TRANK1: variants seen among roughly 807,000 people sequenced by gnomAD.
TRANK1 encodes the protein TPR and ankyrin repeat-containing protein 1.
A neutral mutation model predicts 266.0 loss-of-function variants in TRANK1; 198 were observed. The ratio of observed to expected loss-of-function variants is 0.74; its 90% CI spans 0.66 to 0.84. The LOEUF (loss-of-function observed/expected upper bound fraction) is 0.84. Ranked by LOEUF, TRANK1 falls within the 40% of genes least tolerant of loss-of-function variation. The pLI is 0.00. For missense variants in TRANK1, 3,326 were observed against 3,634.6 expected (o/e 0.92, Z 2.18); for synonymous variants, 1,396 against 1,384.1 (o/e 1.01, Z -0.19).
At chr3:36,910,729 G>A (rs1326307877) in intron 1 of TRANK1, among the ~76,000 whole-genome samples, 1 of 143,162 alleles carries the variant, frequency 7.0e-6, no homozygotes, top group African/African-American at 2.6e-5. Context: ...GACAGAGTGA[G>A]ACTCTATCTC....
intron 1 of TRANK1, among the ~76,000 whole-genome samples, chr3:36,927,770 T>C (rs2080308192): frequency 6.6e-6 from 1 of 152,178 alleles, no homozygotes; most frequent in African/African-American, 2.4e-5. Context: ...ACATCTCAAA[T>C]ATTATTTTTC....
chr3:36,866,110 AAG>A (rs1491366650), intron 9 of TRANK1, among the ~76,000 whole-genome samples: 3 of 147,716 alleles, frequency 2.0e-5, no homozygotes, highest in African/African-American at 5.1e-5. Flanking sequence ...GAAAGAAAGA[AAG>A]AAAGAGTCAC....
chr3:36,866,050 G>A (rs113255072), intron 9 of TRANK1, among the ~76,000 whole-genome samples: 11 of 90,006 alleles, frequency 1.2e-4, no homozygotes, highest in South Asian at 1.1e-3. Context: ...CAGACAGAAA[G>A]AAAAAGAAAG....
intron 17 of TRANK1, among the ~76,000 whole-genome samples, chr3:36,844,334 C>T (rs1289531687): frequency 1.3e-5 from 2 of 152,202 alleles, no homozygotes. Context: ...TCAAGCAATT[C>T]TCCTGCCTCA....
intron 1 of TRANK1, 155 bp from the exon 2 acceptor site, chr3:36,908,609 A>C (rs1345427573): frequency 8.9e-6 from 11 of 1,229,784 alleles, no homozygotes; most frequent in African/African-American, 1.6e-5. Flanking sequence ...ACCACCAGGA[A>C]ACCAGGCAGA....
chr3:36,877,979 G>A lies in TRANK1; in HGVS notation c.908-3683C>T, dbSNP rs1019179639. On this transcript the variant is annotated intron_variant, in intron 8 of 23. Coordinates refer to ENST00000645898, the MANE Select transcript of TRANK1 (RefSeq NM_001329998.2). ...TGAAAAGACTAAGCCTACATGTAAG[G>A]AATAAGTTGAGGTAAAGAAAAAACA... Among the ~76,000 whole-genome samples the A allele has an allele frequency of 2.0e-5, 3 of 152,132 alleles. No individual in the cohort carries two copies. In the South Asian group the frequency reaches 6.2e-4, roughly 32 times the overall value.
chr3:36,918,456 C>T (rs532714589), intron 1 of TRANK1, among the ~76,000 whole-genome samples: 1 of 118,660 alleles, frequency 8.4e-6, no homozygotes, highest in Admixed American at 8.9e-5. Flanking sequence ...AAGCAAAAAC[C>T]CAGAAAGAAA....
At chr3:36,860,514 T>C (rs2079127296) in intron 11 of TRANK1, among the ~76,000 whole-genome samples, 1 of 151,948 alleles carries the variant, frequency 6.6e-6, no homozygotes, top group African/African-American at 2.4e-5. Flanking sequence ...CAGAAAAGAA[T>C]GTCACAGGAG....
intron 8 of TRANK1, among the ~76,000 whole-genome samples, chr3:36,876,958 T>C (rs920751554): frequency 3.9e-5 from 6 of 152,188 alleles, no homozygotes; most frequent in Non-Finnish European, 7.3e-5. Flanking sequence ...CTGAAATCTC[T>C]ATGTACCAGA....
intron 9 of TRANK1, among the ~76,000 whole-genome samples, chr3:36,871,527 AAAC>A (rs1462881142): frequency 1.3e-5 from 2 of 152,214 alleles, no homozygotes; most frequent in African/African-American, 4.8e-5. Context: ...AACCATTCTG[AAAC>A]TGAGATGATA....
Position 36,828,009 on chromosome 3 carries a change from C to G in TRANK1, c.*266G>C. On this transcript the variant is annotated 3_prime_UTR_variant, in exon 24 of 24. Coordinates refer to ENST00000645898, the MANE Select transcript of TRANK1 (RefSeq NM_001329998.2). ...ATGCAGTGAGGAGTCCCAACATTCCCTTCGACTACAACTTCTCTACCTGAA... is the reference window on the plus strand; with the variant it reads ...ATGCAGTGAGGAGTCCCAACATTCCGTTCGACTACAACTTCTCTACCTGAA... 2.5e-6 allele frequency: 1 copy of G among 405,288 alleles called. No individual in the cohort carries two copies. The highest frequency in any genetic ancestry group is 4.6e-6 in the Non-Finnish European group (1 of 218,110). 25.1% of individuals were successfully genotyped at this position (405,288 alleles called of 1,614,324 possible).
intron 1 of TRANK1, among the ~76,000 whole-genome samples, chr3:36,943,328 A>G (rs2080523344): frequency 6.6e-6 from 1 of 152,154 alleles, no homozygotes; most frequent in African/African-American, 2.4e-5. Context: ...ATATAATATT[A>G]CACACATATT....
At chr3:36,889,045 C>CA (rs1035637069) in intron 8 of TRANK1, among the ~76,000 whole-genome samples, 2 of 151,958 alleles carry the variant, frequency 1.3e-5, no homozygotes, top group East Asian at 3.9e-4. Flanking sequence ...GACTCCATCT[C>CA]AAAAAAAATC....
rs1436683434 is a variant in TRANK1 at position 36,874,143 on chromosome 3, C to G, written c.1061G>C (p.Cys354Ser). The G allele has an allele frequency of 1.3e-6, 2 of 1,537,150 alleles. No homozygotes were observed. Among genetic ancestry groups the G allele is most frequent in the South Asian group, 1.2e-5 (1 of 84,016 alleles). ...INSHLEKLATCSKDLSGFSNG... is the reference protein window; with the variant it reads ...INSHLEKLATSSKDLSGFSNG... ...AGCTGTACCTGATAGGTCCTTAGAA[C>G]ACGTAGCTAGCTTTTCTAAGTGACT... Residue 354 changes from cysteine (C) to serine (S), a missense_variant, in exon 9 of 24, where the codon TGT becomes TCT. Transcript: ENST00000645898.
At chr3:36,886,402 C>T (rs1454496554) in intron 8 of TRANK1, among the ~76,000 whole-genome samples, 1 of 152,016 alleles carries the variant, frequency 6.6e-6, no homozygotes, top group Non-Finnish European at 1.5e-5. Context: ...TGAGCCACCA[C>T]ACCCAGCCAG....
At chr3:36,922,780 G>GAA (rs531701807) in intron 1 of TRANK1, among the ~76,000 whole-genome samples, 4 of 110,128 alleles carry the variant, frequency 3.6e-5, no homozygotes, top group Non-Finnish European at 4.0e-5. Flanking sequence ...TGTCTCAAAA[G>GAA]AAAAAAAAAA....
intron 19 of TRANK1, 24 bp downstream of exon 19, chr3:36,838,589 C>T (rs2078801468): frequency 1.2e-6 from 2 of 1,613,936 alleles, no homozygotes; most frequent in Non-Finnish European, 1.7e-6. Flanking sequence ...CGGAGCAAAC[C>T]AGAAGTGATC....
intron 3 of TRANK1, among the ~76,000 whole-genome samples, chr3:36,901,390 C>T (rs7643366): frequency 0.28 from 43,247 of 152,012 alleles, 6,709 homozygotes; most frequent in East Asian, 0.57. Context: ...TTATCTTCCA[C>T]TACGTTCCCA....
At chr3:36,880,897 C>G (rs1484426832) in intron 8 of TRANK1, among the ~76,000 whole-genome samples, 1 of 125,306 alleles carries the variant, frequency 8.0e-6, no homozygotes, top group Admixed American at 8.2e-5. Context: ...CCCCTCCCCC[C>G]ACCCCACAAC....
Sources: allele counts gnomAD v4.1 joint callset (sites outside exome capture counted in the v4.1 genomes callset), GRCh38; gene constraint gnomAD v4.1.1; transcripts MANE v1.5; gene names NCBI Gene and HGNC (gene_info 2026-07-23, HGNC 2026-07-21).